The following CUL2 variants were observed in gnomAD, a reference collection of about 807,000 sequenced individuals.
CUL2 encodes the protein cullin 2.
A neutral mutation model predicts 110.2 loss-of-function variants in CUL2; 22 were observed. The observed-to-expected ratio is 0.20, with a 90% confidence interval of 0.14 to 0.28. The LOEUF is 0.28. Among genes scored for constraint, CUL2 ranks in the 10% least tolerant of loss-of-function variants. CUL2 has a pLI of 1.00. For missense variants in CUL2, 631 were observed against 905.5 expected (o/e 0.70, Z 3.89); for synonymous variants, 279 against 293.2 (o/e 0.95, Z 0.49).
intron 5 of CUL2, among the ~76,000 whole-genome samples, chr10:35,054,063 T>TA (rs113807591): frequency 0.041 from 6,180 of 152,296 alleles, 404 homozygotes; most frequent in African/African-American, 0.14. Flanking sequence ...AAAGTAAAGT[T>TA]ACAATAAATT....
chr10:35,086,721 A>C (rs1369524510), intron 1 of CUL2, among the ~76,000 whole-genome samples: 1 of 143,406 alleles, frequency 7.0e-6, no homozygotes, highest in Non-Finnish European at 1.5e-5. Flanking sequence ...ACCATCTCAA[A>C]ATAAATAAAT....
chr10:35,094,714 C>A (rs2135094249), upstream of CUL2, among the ~76,000 whole-genome samples: 1 of 152,176 alleles, frequency 6.6e-6, no homozygotes, highest in Non-Finnish European at 1.5e-5. Context: ...CCAGAGATTG[C>A]CCCCACCTCT....
chr10:35,039,380 A>G (rs779899321), intron 8 of CUL2, among the ~76,000 whole-genome samples: 1 of 152,230 alleles, frequency 6.6e-6, no homozygotes, highest in African/African-American at 2.4e-5. Flanking sequence ...ATAACATGTA[A>G]CAGGAAAAGT....
At chr10:35,029,344 A>G in intron 15 of CUL2, 144 bp downstream of exon 15, 1 of 571,260 alleles carries the variant, frequency 1.8e-6, no homozygotes, top group East Asian at 3.4e-5. Context: ...GGCATAAGCC[A>G]CCACGCCCAG....
chr10:35,085,668 G>A (rs1589050683), intron 1 of CUL2, among the ~76,000 whole-genome samples: 1 of 126,038 alleles, frequency 7.9e-6, no homozygotes, highest in Non-Finnish European at 1.6e-5. Context: ...GTGAACCCGG[G>A]AACCAGAGAC....
chr10:35,113,947 G>C (rs905809075), intron 1 of CUL2, among the ~76,000 whole-genome samples: 1 of 150,812 alleles, frequency 6.6e-6, no homozygotes, highest in Admixed American at 6.6e-5. Flanking sequence ...TCACTCTGTC[G>C]CTCAGGCTGG....
At chr10:35,103,308 A>ATTTTTTTTTTTTTTTTTTTTTTTTTTTT (rs67257350) in intron 1 of CUL2, among the ~76,000 whole-genome samples, 2 of 94,546 alleles carry the variant, frequency 2.1e-5, no homozygotes, top group Non-Finnish European at 2.0e-5. Flanking sequence ...GGCCAAGCTA[A>ATTTTTTTTTTTTTTTTTTTTTTTTTTTT]TTTTTTTTTT....
At chr10:35,016,125 T>G in intron 18 of CUL2, 67 bp downstream of exon 18, 1 of 1,326,884 alleles carries the variant, frequency 7.5e-7, no homozygotes, top group Non-Finnish European at 1.1e-6. Context: ...ATTTTAAAAC[T>G]GCAAACATCT....
At chr10:35,046,688 T>TA (rs893570424) in intron 6 of CUL2, among the ~76,000 whole-genome samples, 24 of 152,024 alleles carry the variant, frequency 1.6e-4, no homozygotes, top group Admixed American at 1.4e-3. Flanking sequence ...GGTCGGGAGT[T>TA]AGAGAGCAGC....
chr10:35,120,694 C>T (rs1316660268), intron 1 of CUL2, among the ~76,000 whole-genome samples: 1 of 151,242 alleles, frequency 6.6e-6, no homozygotes, highest in Non-Finnish European at 1.5e-5. Flanking sequence ...CTCAGGAGTT[C>T]GAGACCAGCC....
chr10:35,075,162 A>C (rs2086783518), intron 1 of CUL2, among the ~76,000 whole-genome samples: 1 of 152,204 alleles, frequency 6.6e-6, no homozygotes, highest in South Asian at 2.1e-4. Flanking sequence ...ATGGATAGCA[A>C]ATCTGGAAGC....
At chr10:35,116,610 A>G (rs2087606555) in intron 1 of CUL2, among the ~76,000 whole-genome samples, 2 of 152,012 alleles carry the variant, frequency 1.3e-5, no homozygotes, top group African/African-American at 4.8e-5. Context: ...TAAGAATATG[A>G]CTTTTGGGGG....
intron 17 of CUL2, among the ~76,000 whole-genome samples, chr10:35,018,655 C>T (rs1023076894): frequency 4.0e-5 from 6 of 150,678 alleles, no homozygotes; most frequent in Admixed American, 1.3e-4. Context: ...CTCATCTACT[C>T]CGGAGGCTGA....
intron 1 of CUL2, among the ~76,000 whole-genome samples, chr10:35,086,249 C>T (rs772375682): frequency 1.1e-4 from 16 of 152,006 alleles, no homozygotes; most frequent in Admixed American, 1.3e-4. Context: ...GTAATCCTAA[C>T]ACTTAGGGAG....
At chr10:35,072,801 A>G (rs1468585004) in intron 1 of CUL2, among the ~76,000 whole-genome samples, 1 of 152,210 alleles carries the variant, frequency 6.6e-6, no homozygotes, top group Non-Finnish European at 1.5e-5. Flanking sequence ...TGCTCAAAGG[A>G]ACATTTTTCT....
At position 35,013,717 on chromosome 10, in the gene CUL2, C is replaced by T. The variant is rs1290500020; in HGVS notation, c.1971G>A (p.Met657Ile). Reference protein sequence around the residue: ...KRTKFKITTSMQKDTPQEMEQ... With the variant: ...KRTKFKITTSIQKDTPQEMEQ... Reference sequence around the variant, plus strand: ...CACTTACTTGTGGTGTGTCTTTCTGCATTGATGTAGTAATTTTAAATTTTG... The same window carrying T: ...CACTTACTTGTGGTGTGTCTTTCTGTATTGATGTAGTAATTTTAAATTTTG... Residue 657 changes from methionine (M) to isoleucine (I), a missense_variant, in exon 19 of 21, where the codon ATG becomes ATA. Physicochemically the swap from Met to Ile is conservative, Grantham distance 10. Around this residue, in one of 3 missense-constraint regions of CUL2, gnomAD observed 159 missense variants for 202.7 expected, o/e 0.78. Coordinates refer to ENST00000374749, the MANE Select transcript of CUL2 (RefSeq NM_003591.4). 2 of 1,566,038 alleles carry T rather than the reference C, an allele frequency of 1.3e-6. No homozygotes were observed. Among genetic ancestry groups the T allele is most frequent in the Admixed American group, 1.9e-5 (1 of 53,496 alleles).
chr10:35,064,224 A>C (rs552311130), intron 2 of CUL2: 1 of 152,354 alleles, frequency 6.6e-6, no homozygotes, highest in African/African-American at 2.4e-5. Context: ...TAAAGGACCT[A>C]TGAGCAACCT....
At chr10:35,047,125 T>C (rs765635858) in intron 6 of CUL2, among the ~76,000 whole-genome samples, 2 of 152,136 alleles carry the variant, frequency 1.3e-5, no homozygotes, top group African/African-American at 2.4e-5. Flanking sequence ...AAATTACTAA[T>C]TTCTTCATTT....
At chr10:35,027,186 C>A (rs1388805581) in intron 16 of CUL2, among the ~76,000 whole-genome samples, 2 of 150,322 alleles carry the variant, frequency 1.3e-5, no homozygotes, top group Non-Finnish European at 3.0e-5. Context: ...GCTCTATCAC[C>A]CAGGCTAAAG....
Sources: allele counts gnomAD v4.1 joint callset (sites outside exome capture counted in the v4.1 genomes callset), GRCh38; gene constraint gnomAD v4.1.1; regional missense constraint gnomAD v4.1.1; transcripts MANE v1.5; gene names NCBI Gene and HGNC (gene_info 2026-07-23, HGNC 2026-07-21).